CALN1: variants seen among roughly 807,000 people sequenced by gnomAD.
CALN1 encodes calcium-binding protein 8.
In CALN1, 17 loss-of-function variants were observed where a neutral mutation model predicts 30.6. That is an observed-to-expected ratio of 0.56 (90% CI 0.38 to 0.83). The LOEUF (loss-of-function observed/expected upper bound fraction) is 0.83. Ranked by LOEUF, CALN1 falls within the 40% of genes least tolerant of loss-of-function variation. The pLI is 0.00. For missense variants in CALN1, 291 were observed against 354.9 expected, an observed-to-expected ratio of 0.82 and a Z score of 1.45; for synonymous variants, 156 against 131.4, an observed-to-expected ratio of 1.19 and a Z score of -1.28.
chr7:72,439,781 CT>C (rs1341271532), intron 1 of CALN1, among the ~76,000 whole-genome samples: 4 of 151,838 alleles, frequency 2.6e-5, no homozygotes, highest in Non-Finnish European at 4.4e-5. Context: ...GTTTCACCAT[CT>C]TGGCCAGGCT....
intron 2 of CALN1, among the ~76,000 whole-genome samples, chr7:72,358,061 A>T (rs1343976521): frequency 6.6e-6 from 1 of 151,696 alleles, no homozygotes; most frequent in Non-Finnish European, 1.5e-5. Context: ...ATGCAATCAT[A>T]ACTCACTGCA....
At chr7:72,309,535 C>T (rs1029998195) in intron 2 of CALN1, among the ~76,000 whole-genome samples, 6 of 152,030 alleles carry the variant, frequency 3.9e-5, no homozygotes, top group Non-Finnish European at 8.8e-5. Context: ...TTACACGGGA[C>T]TCAAGGAACG....
At chr7:72,306,183 C>T (rs140190006) in intron 2 of CALN1, among the ~76,000 whole-genome samples, 4,823 of 152,216 alleles carry the variant, frequency 0.032, 250 homozygotes, top group African/African-American at 0.11. Flanking sequence ...TACCCCAAAA[C>T]ATGTTTCTTT....
the CALN1 span, among the ~76,000 whole-genome samples, chr7:72,466,989 G>A: frequency 2.6e-5 from 4 of 152,142 alleles, no homozygotes; most frequent in South Asian, 8.3e-4. Context: ...AGGCTTCCTG[G>A]AGGAGGTGAT....
At chr7:71,885,587 C>T (rs1343964473) in intron 5 of CALN1, among the ~76,000 whole-genome samples, 1 of 152,260 alleles carries the variant, frequency 6.6e-6, no homozygotes, top group African/African-American at 2.4e-5. Flanking sequence ...ATATTTGACT[C>T]AGAATAAATC....
At chr7:72,306,571 T>C (rs1021900608) in intron 2 of CALN1, among the ~76,000 whole-genome samples, 4 of 151,974 alleles carry the variant, frequency 2.6e-5, no homozygotes, top group African/African-American at 9.7e-5. Context: ...CTTTCCTTCT[T>C]TTCTTTTCCT....
At chr7:72,323,687 A>C (rs1801066253) in intron 2 of CALN1, among the ~76,000 whole-genome samples, 2 of 150,810 alleles carry the variant, frequency 1.3e-5, no homozygotes, top group African/African-American at 2.4e-5. Context: ...AAAAATAAAG[A>C]GAACAAAAAG....
At chr7:72,289,634 C>T (rs1338658487) in intron 2 of CALN1, among the ~76,000 whole-genome samples, 2 of 152,084 alleles carry the variant, frequency 1.3e-5, no homozygotes, top group African/African-American at 4.8e-5. Context: ...ACCAGCATAC[C>T]ACCATGAAGT....
chr7:71,888,661 T>C (rs111673541), intron 5 of CALN1, among the ~76,000 whole-genome samples: 5,050 of 151,598 alleles, frequency 0.033, 266 homozygotes, highest in African/African-American at 0.11. Context: ...TGGCAATAGG[T>C]TGGGTGAGAA....
intron 2 of CALN1, among the ~76,000 whole-genome samples, chr7:72,359,086 C>T (rs1294173631): frequency 6.6e-6 from 1 of 152,180 alleles, no homozygotes; most frequent in East Asian, 1.9e-4. Context: ...AAAGGCCAGG[C>T]CCTCCGCTGT....
At chr7:72,462,506 G>T in the CALN1 span, among the ~76,000 whole-genome samples, 54 of 152,312 alleles carry the variant, frequency 3.5e-4, 1 homozygote, top group African/African-American at 1.3e-3. Flanking sequence ...CTTTAGTCAA[G>T]GCTGGTGTGC....
At chr7:72,229,533 A>G (rs917785507) in intron 3 of CALN1, among the ~76,000 whole-genome samples, 2 of 152,098 alleles carry the variant, frequency 1.3e-5, no homozygotes, top group African/African-American at 4.8e-5. Context: ...GAACCAATCC[A>G]AATGCCCATC....
chr7:71,967,526 G>A (rs1461819690), intron 5 of CALN1, among the ~76,000 whole-genome samples: 1 of 151,618 alleles, frequency 6.6e-6, no homozygotes, highest in East Asian at 1.9e-4. Context: ...TTACTCAGGA[G>A]GCTGAGGTGG....
intron 2 of CALN1, among the ~76,000 whole-genome samples, chr7:72,311,534 C>T (rs907433187): frequency 2.7e-4 from 41 of 152,032 alleles, no homozygotes; most frequent in African/African-American, 8.9e-4. Context: ...GGCTAGAGTC[C>T]AGTGGCTTGA....
At chr7:72,307,269 A>T (rs1448319981) in intron 2 of CALN1, among the ~76,000 whole-genome samples, 4 of 152,200 alleles carry the variant, frequency 2.6e-5, no homozygotes, top group Non-Finnish European at 5.9e-5. Flanking sequence ...CATCATTCAG[A>T]TGGAAAGCCA....
At chr7:71,791,145 G>T (rs575676397) in intron 6 of CALN1, among the ~76,000 whole-genome samples, 1 of 152,212 alleles carries the variant, frequency 6.6e-6, no homozygotes, top group African/African-American at 2.4e-5. Context: ...GGTCCCAAGG[G>T]CTTGTCAAAG....
At chr7:72,396,832 G>A (rs756759378) in intron 2 of CALN1, among the ~76,000 whole-genome samples, 5 of 152,206 alleles carry the variant, frequency 3.3e-5, no homozygotes, top group Non-Finnish European at 7.3e-5. Flanking sequence ...GAACTTCGTT[G>A]AGGTTGAAGG....
At chr7:72,493,600 A>T in the CALN1 span, among the ~76,000 whole-genome samples, 6 of 152,076 alleles carry the variant, frequency 3.9e-5, no homozygotes, top group African/African-American at 1.4e-4. Flanking sequence ...CAGCTTCCCA[A>T]ATTGCTGGGA....
In CALN1 at chr7:71,780,082, TTCTGAG is replaced by T. The variant is rs1319325757; in HGVS notation, c.*7687_*7692del. 1.3e-5 allele frequency: 2 copies of T among 152,364 alleles called. No individual in the cohort carries two copies. The highest frequency in any genetic ancestry group is 6.5e-5 in the Admixed American group (1 of 15,304). The allele number at this position is 152,364 out of a possible 1,614,324, so 9.4% of individuals were successfully genotyped here. A position where few individuals can be genotyped will look rare whatever the true frequency, so the allele number is the denominator to read the frequency against. On this transcript the variant is annotated 3_prime_UTR_variant, in exon 7 of 7. Coordinates refer to ENST00000395275, the MANE Select transcript of CALN1 (RefSeq NM_031468.4). ...CACCAACCCAATGCCTGGACAGACT[TTCTGAG>T]TCTAATTTTTCTCCAAAGTCATTGT...
Sources: allele counts gnomAD v4.1 joint callset (sites outside exome capture counted in the v4.1 genomes callset), GRCh38; gene constraint gnomAD v4.1.1; transcripts MANE v1.5; gene names NCBI Gene and HGNC (gene_info 2026-07-23, HGNC 2026-07-21).